SRP72: variants seen among roughly 807,000 people sequenced by gnomAD.
SRP72 encodes signal recognition particle subunit SRP72.
SRP72 carries 49 observed loss-of-function variants against 96.3 expected under a neutral mutation model. That is an observed-to-expected ratio of 0.51 (90% CI 0.40 to 0.65). The LOEUF (loss-of-function observed/expected upper bound fraction) is 0.65. SRP72 is among the 30% of genes least tolerant of loss of function. The pLI, the probability that SRP72 is intolerant of heterozygous loss-of-function variation, is 0.00. For synonymous variants in SRP72, 267 were observed against 275.2 expected (o/e 0.97, Z 0.30); for missense variants, 736 against 793.3 (o/e 0.93, Z 0.87).
chr4:56,502,030 G>A lies in SRP72; in HGVS notation c.*169G>A, dbSNP rs554702581. ...ATCTTCCTCAAAGTCTGCCTAGTGAGATATGGCCTACTGGTTGCCTCATAG... is the reference window on the plus strand; with the variant it reads ...ATCTTCCTCAAAGTCTGCCTAGTGAAATATGGCCTACTGGTTGCCTCATAG... On this transcript the variant is annotated 3_prime_UTR_variant, in exon 19 of 19. Coordinates refer to ENST00000642900, the MANE Select transcript of SRP72 (RefSeq NM_006947.4). The A allele has an allele frequency of 2.2e-4, 154 of 714,546 alleles. No individual in the cohort carries two copies. The African/African-American group carries it at 2.6e-3, about 12-fold the overall frequency. 44.3% of individuals were successfully genotyped at this position (714,546 alleles called of 1,614,324 possible).
Position 56,502,259 on chromosome 4 carries a change from A to C in SRP72, c.*398A>C. 1 of 187,660 alleles carries C rather than the reference A, an allele frequency of 5.3e-6. No homozygotes were observed. The highest frequency in any genetic ancestry group is 1.1e-5 in the Non-Finnish European group (1 of 89,282). 11.6% of individuals were successfully genotyped at this position (187,660 alleles called of 1,614,324 possible). ...TGTTTCTGTTCAAGTCCCACTTTAA[A>C]TTATGTCTTAGGAGACTGAAAGTGG... is the stretch of plus-strand genomic sequence containing the variant. On this transcript the variant is annotated 3_prime_UTR_variant, in exon 19 of 19. Transcript: ENST00000642900.
rs139267601 is a variant in SRP72, at chr4:56,474,915, C to T, written c.610+524C>T. On this transcript the variant is annotated intron_variant, in intron 5 of 18. Coordinates refer to ENST00000642900, the MANE Select transcript of SRP72 (RefSeq NM_006947.4). The stretch of plus-strand genomic sequence containing the variant: ...GGCCAGGCTAGTCTCAAATTCCTGT[C>T]GTCAAGTGATCTGCCTGCCTTGGCC... Among the ~76,000 whole-genome samples, 886 of 152,276 alleles carry T rather than the reference C, an allele frequency of 5.8e-3. 13 individuals carry two copies. The highest frequency in any genetic ancestry group is 0.02 in the African/African-American group (842 of 41,568).
At chr4:56,479,188 T>C (rs550193528) in intron 8 of SRP72, among the ~76,000 whole-genome samples, 3 of 151,548 alleles carry the variant, frequency 2.0e-5, no homozygotes, top group African/African-American at 7.3e-5. Flanking sequence ...TTTTTTGTTT[T>C]GTTTTTTTTG....
intron 8 of SRP72, among the ~76,000 whole-genome samples, chr4:56,478,928 A>G (rs534169465): frequency 4.9e-4 from 74 of 152,274 alleles, no homozygotes; most frequent in Non-Finnish European, 8.7e-4. Flanking sequence ...TTTGTAAGAG[A>G]TATAAATTAT....
chr4:56,476,549 T>G (rs1043577742), intron 5 of SRP72, 122 bp from the exon 6 acceptor site: 3 of 1,008,232 alleles, frequency 3.0e-6, no homozygotes, highest in Admixed American at 4.3e-5. Context: ...ATTTCACAAC[T>G]GCTTGTTACT....
rs149552752 is a variant in SRP72, at chr4:56,483,875, A to G, written c.957+605A>G. Among the ~76,000 whole-genome samples, 5 of 152,216 alleles carry G rather than the reference A, an allele frequency of 3.3e-5. No individual in the cohort carries two copies. In the East Asian group the frequency reaches 5.8e-4, roughly 18 times the overall value. ...ATCATCAAAGATGCTAGCCATGATT[A>G]TAGATTTAAGACCCATCTTTCATTT... On this transcript the variant is annotated intron_variant, in intron 9 of 18. Transcript: ENST00000642900.
intron 17 of SRP72, among the ~76,000 whole-genome samples, chr4:56,496,838 A>T (rs961724985): frequency 1.3e-5 from 2 of 152,142 alleles, no homozygotes; most frequent in African/African-American, 4.8e-5. Context: ...AAATATAAAA[A>T]TTAGCCGAGC....
At chr4:56,471,035 C>T (rs967221145) in intron 2 of SRP72, among the ~76,000 whole-genome samples, 1 of 152,154 alleles carries the variant, frequency 6.6e-6, no homozygotes, top group Non-Finnish European at 1.5e-5. Flanking sequence ...CTCCTCACCT[C>T]AAGTGATCTG....
chr4:56,469,630 C>T lies in SRP72; in HGVS notation c.110-23C>T, dbSNP rs768032150. 5 of 1,528,780 alleles carry T rather than the reference C, an allele frequency of 3.3e-6. No homozygotes were observed. The Admixed American group carries it at 7.2e-5, about 22-fold the overall frequency. The allele number at this position is 1,528,780 out of a possible 1,614,324, so 94.7% of individuals were successfully genotyped here. ...GAAAAGGAAATGGATTTAAAAATGA[C>T]TTTTCCTAAAATTGTTCTCTAGTAC... On this transcript the variant is annotated intron_variant, in intron 1 of 18. Coordinates refer to ENST00000642900, the MANE Select transcript of SRP72 (RefSeq NM_006947.4).
chr4:56,491,357 T>C (rs577461859), intron 15 of SRP72, 74 bp from the exon 16 acceptor site: 28 of 1,505,162 alleles, frequency 1.9e-5, no homozygotes, highest in Middle Eastern at 2.4e-4. Flanking sequence ...AATAGATACA[T>C]TGGCAAACAT....
At chr4:56,467,892 A>G (rs1719805114) in intron 1 of SRP72, 148 bp downstream of exon 1, 8 of 805,868 alleles carry the variant, frequency 9.9e-6, no homozygotes, top group South Asian at 7.3e-5. Flanking sequence ...CTCGGGCCCT[A>G]GCGCCCGGAA....
intron 8 of SRP72, among the ~76,000 whole-genome samples, chr4:56,480,629 A>G (rs1720445860): frequency 6.6e-6 from 1 of 152,222 alleles, no homozygotes. Context: ...TAAATATCTC[A>G]GTCTGAACAT....
In SRP72 at chr4:56,478,329, T is replaced by G. The variant is rs145103661; in HGVS notation, c.643-50T>G. 1.0e-3 allele frequency: 1,576 copies of G among 1,519,508 alleles called. 1 individual carries two copies. The highest frequency in any genetic ancestry group is 1.3e-3 in the Non-Finnish European group (1,456 of 1,134,958). The allele number at this position is 1,519,508 out of a possible 1,614,324, so 94.1% of individuals were successfully genotyped here. ...GAATGTTTGGGTCATTTGGAAAATA[T>G]GTAGATCAGTTTGGAAAATTTATAT... is the stretch of plus-strand genomic sequence containing the variant. On this transcript the variant is annotated intron_variant, in intron 6 of 18. Transcript: ENST00000642900.
intron 16 of SRP72, among the ~76,000 whole-genome samples, chr4:56,492,795 C>A (rs1720951831): frequency 6.6e-6 from 1 of 151,818 alleles, no homozygotes; most frequent in Non-Finnish European, 1.5e-5. Flanking sequence ...CTATTTTTTT[C>A]TTCCCCAAAC....
chr4:56,490,285 C>G lies in SRP72; in HGVS notation c.1321-48C>G, dbSNP rs900170166. The G allele has an allele frequency of 2.1e-6, 3 of 1,456,328 alleles. No individual in the cohort carries two copies. In the African/African-American group the frequency reaches 4.2e-5, roughly 21 times the overall value. The allele number at this position is 1,456,328 out of a possible 1,614,324, so 90.2% of individuals were successfully genotyped here. A position where few individuals can be genotyped will look rare whatever the true frequency, so the allele number is the denominator to read the frequency against. ...TAATGAATATAACTGCATGCACTTG[C>G]TAGATATTTAACTTGAAACTTTTTT... On this transcript the variant is annotated intron_variant, in intron 13 of 18. Transcript: ENST00000642900.
chr4:56,490,150 A>G (rs916129408), intron 13 of SRP72, among the ~76,000 whole-genome samples, 183 bp from the exon 14 acceptor site: 2 of 152,344 alleles, frequency 1.3e-5, no homozygotes, highest in Admixed American at 1.3e-4. Context: ...TGTACAATTA[A>G]TAATTTGTCC....
At position 56,486,313 on chromosome 4, in the gene SRP72, A is replaced by G; in HGVS notation, c.1087-12A>G. 3.1e-6 allele frequency: 5 copies of G among 1,588,504 alleles called. No individual in the cohort carries two copies. The highest frequency in any genetic ancestry group is 4.3e-6 in the Non-Finnish European group (5 of 1,164,102). The stretch of plus-strand genomic sequence containing the variant: ...AAATGTGATTTTTTTCCCCCAAACT[A>G]AAAAAATTTAGGAATTTTCAGATCA... On this transcript the variant is annotated splice_polypyrimidine_tract_variant and intron_variant, in intron 10 of 18. Transcript: ENST00000642900.
chr4:56,487,915 T>G, intron 11 of SRP72, 34 bp from the exon 12 acceptor site: 5 of 1,509,834 alleles, frequency 3.3e-6, no homozygotes, highest in Non-Finnish European at 4.5e-6. Context: ...TATGTGTTCT[T>G]CTATGTAATG....
chr4:56,485,400 C>CAA (rs59208269), intron 10 of SRP72, among the ~76,000 whole-genome samples: 117 of 92,380 alleles, frequency 1.3e-3, no homozygotes, highest in African/African-American at 2.7e-3. Context: ...CTCCCCACAG[C>CAA]AAAAAAAAAA....
Sources: gnomAD v4.1 joint callset for allele counts (sites outside exome capture counted in the v4.1 genomes callset) on GRCh38, gnomAD v4.1.1 for gene constraint, MANE v1.5 for transcripts, NCBI Gene and HGNC (gene_info 2026-07-23, HGNC 2026-07-21) for gene names.